Variants in SPTB observed in about 807,000 individuals in gnomAD.
SPTB encodes the protein spectrin beta, erythrocytic.
In SPTB, 45 loss-of-function variants were observed where a neutral mutation model predicts 256.2. The ratio of observed to expected loss-of-function variants is 0.18; its 90% CI spans 0.14 to 0.23. SPTB has a LOEUF of 0.23. SPTB is among the 10% of genes least tolerant of loss of function. The pLI is 1.00. For missense variants in SPTB, 2,715 were observed against 3,040.4 expected, an observed-to-expected ratio of 0.89 and a Z score of 2.52; for synonymous variants, 1,231 against 1,243.1, an observed-to-expected ratio of 0.99 and a Z score of 0.21.
intron 15 of SPTB, among the ~76,000 whole-genome samples, chr14:64,791,384 G>A (rs1183008068): frequency 6.6e-6 from 1 of 151,960 alleles, no homozygotes; most frequent in East Asian, 1.9e-4. Context: ...TGGCCAACGT[G>A]GTGAAACCAC....
At chr14:64,783,133 A>C (rs1008407093) in intron 19 of SPTB, among the ~76,000 whole-genome samples, 1 of 152,198 alleles carries the variant, frequency 6.6e-6, no homozygotes, top group African/African-American at 2.4e-5. Context: ...TTTCATCTGC[A>C]TAGATGTATC....
intron 1 of SPTB, among the ~76,000 whole-genome samples, chr14:64,878,773 T>TCC (rs907940602): frequency 1.3e-5 from 2 of 149,976 alleles, no homozygotes; most frequent in African/African-American, 5.0e-5. Flanking sequence ...TGTCACTATA[T>TCC]CCCCCCACCC....
Position 64,816,336 on chromosome 14 carries a change from C to A in SPTB, c.148+6611G>T, listed in dbSNP as rs1341561350. ...AATCAATATATATTCCCTCCTTAAA[C>A]TCCACAGCCACCCCTTTTGAGTTTT... On this transcript the variant is annotated intron_variant, in intron 2 of 35. Transcript: ENST00000644917. This position sits in a 1 kb window ranked among gnomAD's most constrained non-coding sequence, Gnocchi z 4.2. Among the ~76,000 whole-genome samples the A allele has an allele frequency of 2.0e-5, 3 of 152,178 alleles. No individual in the cohort carries two copies. Among genetic ancestry groups the A allele is most frequent in the Non-Finnish European group, 2.9e-5 (2 of 68,022 alleles).
At chr14:64,832,758 C>CT (rs2083468253) in intron 1 of SPTB, among the ~76,000 whole-genome samples, 1 of 152,180 alleles carries the variant, frequency 6.6e-6, no homozygotes, top group Admixed American at 6.5e-5. Flanking sequence ...CCATGCCCTT[C>CT]TTCCCTCTCA....
intron 1 of SPTB, among the ~76,000 whole-genome samples, chr14:64,865,548 G>T (rs749847236): frequency 2.6e-5 from 4 of 152,034 alleles, no homozygotes; most frequent in African/African-American, 4.8e-5. Flanking sequence ...GGTCAGATGC[G>T]GTGAGAGCAG....
chr14:64,846,350 C>T (rs536219799), intron 1 of SPTB, among the ~76,000 whole-genome samples: 3 of 152,314 alleles, frequency 2.0e-5, no homozygotes, highest in Non-Finnish European at 2.9e-5. Context: ...ATTATATAGG[C>T]TGCATATACA....
chr14:64,829,108 C>T (rs915711851), intron 1 of SPTB, among the ~76,000 whole-genome samples: 1 of 152,090 alleles, frequency 6.6e-6, no homozygotes, highest in South Asian at 2.1e-4. Flanking sequence ...TGACATGGTG[C>T]AACATGAAGG....
Position 64,771,158 on chromosome 14 carries a change from C to T in SPTB, c.5554-29G>A, listed in dbSNP as rs200636492. The T allele has an allele frequency of 8.7e-5, 140 of 1,611,846 alleles. No individual in the cohort carries two copies. The African/African-American group carries it at 1.6e-3, about 18-fold the overall frequency. ...TGGTCAGGCAAAATCAGACATTGTTCCCTGGACATTGCTCCCTAGGTGCTG... is the reference window on the plus strand; with the variant it reads ...TGGTCAGGCAAAATCAGACATTGTTTCCTGGACATTGCTCCCTAGGTGCTG... On this transcript the variant is annotated intron_variant, in intron 26 of 35. Coordinates refer to ENST00000644917, the MANE Select transcript of SPTB (RefSeq NM_001355436.2).
chr14:64,766,097 GGT>G (rs1401671819), intron 32 of SPTB, among the ~76,000 whole-genome samples: 4 of 149,332 alleles, frequency 2.7e-5, no homozygotes, highest in East Asian at 3.9e-4. Flanking sequence ...TGCGTGTGTG[GGT>G]GTGTGTGGAT....
At chr14:64,784,679 G>A (rs1173873748) in intron 18 of SPTB, among the ~76,000 whole-genome samples, 1 of 152,252 alleles carries the variant, frequency 6.6e-6, no homozygotes, top group East Asian at 1.9e-4. Flanking sequence ...ACCTAGGACA[G>A]GGCCTAGCAT....
At chr14:64,838,977 AC>A (rs1486502416) in intron 1 of SPTB, among the ~76,000 whole-genome samples, 4 of 152,228 alleles carry the variant, frequency 2.6e-5, no homozygotes, top group Admixed American at 1.3e-4. Context: ...TACCAAAAAT[AC>A]AAAAATTAGC....
chr14:64,769,186 TG>T (rs1230577926), intron 28 of SPTB, 68 bp from the exon 29 acceptor site: 6 of 1,433,992 alleles, frequency 4.2e-6, no homozygotes, highest in Non-Finnish European at 5.9e-6. Flanking sequence ...AGTGCGCAGA[TG>T]GGTCCTGCAA....
chr14:64,795,289 C>T lies in SPTB; in HGVS notation c.1644+48G>A, dbSNP rs1397707383. ...ATGCTAACTGCAGGGCCACTGAGAC[C>T]CAAGGTGAGCACTGCAGGGCATGGC... On this transcript the variant is annotated intron_variant, in intron 12 of 35. Transcript: ENST00000644917. This position sits in a 1 kb window ranked among gnomAD's most constrained non-coding sequence, Gnocchi z 6.5. 6.3e-7 allele frequency: 1 copy of T among 1,599,178 alleles called. No individual in the cohort carries two copies. The highest frequency in any genetic ancestry group is 8.5e-7 in the Non-Finnish European group (1 of 1,177,924).
At chr14:64,771,405 C>A (rs2139497183) in intron 26 of SPTB, among the ~76,000 whole-genome samples, 1 of 152,322 alleles carries the variant, frequency 6.6e-6, no homozygotes, top group Non-Finnish European at 1.5e-5. Flanking sequence ...ATGAGAGGAA[C>A]TACATATCAG....
chr14:64,793,451 T>C lies in SPTB; in HGVS notation c.2212A>G (p.Asn738Asp). Residue 738 changes from asparagine to aspartate, a missense_variant, in exon 14 of 36, where the codon AAC (asparagine) becomes GAC (aspartate). This residue lies in a region of SPTB where 2,239 missense variants were observed against 2,384.4 expected (regional missense o/e 0.94). Transcript: ENST00000644917. This position sits in a 1 kb window ranked among gnomAD's most constrained non-coding sequence, Gnocchi z 7.0. ...AAAAAGTTCTCAGCATCCTGGAGGT[T>C]CTTCTTGCAGAAGGCAGCCAGGTCC... Reference protein sequence around the residue: ...LKDLAAFCKKNLQDAENFFQF... With the variant: ...LKDLAAFCKKDLQDAENFFQF... 6.2e-7 allele frequency: 1 copy of C among 1,614,070 alleles called. No homozygotes were observed. The highest frequency in any genetic ancestry group is 8.5e-7 in the Non-Finnish European group (1 of 1,180,022).
chr14:64,749,756 G>A lies in SPTB; in HGVS notation c.6777-60C>T, dbSNP rs1318757559. ...CCTCTGGAGGGGGCGCTGGGCAGAGGGCTGGCTCTGATCCCACAATACCCT... is the reference window on the plus strand; with the variant it reads ...CCTCTGGAGGGGGCGCTGGGCAGAGAGCTGGCTCTGATCCCACAATACCCT... On this transcript the variant is annotated intron_variant, in intron 34 of 35. Coordinates refer to ENST00000644917, the MANE Select transcript of SPTB (RefSeq NM_001355436.2). This position sits in a 1 kb window ranked among gnomAD's most constrained non-coding sequence, Gnocchi z 4.7. 1 of 1,591,076 alleles carries A rather than the reference G, an allele frequency of 6.3e-7. No homozygotes were observed. The highest frequency in any genetic ancestry group is 8.6e-7 in the Non-Finnish European group (1 of 1,166,590).
intron 1 of SPTB, among the ~76,000 whole-genome samples, chr14:64,870,803 A>G (rs1443795819): frequency 6.6e-6 from 1 of 152,254 alleles, no homozygotes; most frequent in Admixed American, 6.5e-5. Context: ...AAGAAGTGAA[A>G]GCAAGGTCTC....
chr14:64,854,731 C>G (rs948939328), intron 1 of SPTB, among the ~76,000 whole-genome samples: 8 of 152,132 alleles, frequency 5.3e-5, no homozygotes, highest in Non-Finnish European at 1.5e-5. Context: ...GGGGAAGGCT[C>G]CTCGGATTAC....
chr14:64,754,745 C>T (rs761449233), intron 32 of SPTB: 1 of 152,202 alleles, frequency 6.6e-6, no homozygotes, highest in East Asian at 1.9e-4. Context: ...CAGGTGCCCA[C>T]GAGAAGGGGA....
Sources: allele counts gnomAD v4.1 joint callset (sites outside exome capture counted in the v4.1 genomes callset), GRCh38; gene constraint gnomAD v4.1.1; regional missense constraint gnomAD v4.1.1; non-coding constraint Gnocchi (gnomAD v3.1); transcripts MANE v1.5; gene names NCBI Gene and HGNC (gene_info 2026-07-23, HGNC 2026-07-21).